SHROOM3: variants seen among roughly 807,000 people sequenced by gnomAD.
SHROOM3 encodes protein Shroom3.
A neutral mutation model predicts 138.6 loss-of-function variants in SHROOM3; 47 were observed. That is an observed-to-expected ratio of 0.34 (90% CI 0.27 to 0.43). The LOEUF is 0.43. Ranked by LOEUF, SHROOM3 falls within the 20% of genes least tolerant of loss-of-function variation. The pLI is 1.00. For missense variants in SHROOM3, 2,491 were observed against 2,596.5 expected (o/e 0.96, Z 0.88); for synonymous variants, 1,062 against 1,063.3 (o/e 1.00, Z 0.02).
chr4:76,655,433 T>C (rs557282843), intron 2 of SHROOM3, among the ~76,000 whole-genome samples: 1 of 152,348 alleles, frequency 6.6e-6, no homozygotes, highest in East Asian at 1.9e-4. Flanking sequence ...AGTCCTATTG[T>C]CATTTCTATC....
rs1229646328 is a variant in SHROOM3, at chr4:76,720,167, T to G, written c.455+9880T>G. The stretch of plus-strand genomic sequence containing the variant: ...GTTTTTTAGGTTTTTTTTTTTTTTT[T>G]TTTTTTTTTTTTTGTGAATCCAAAA... On this transcript the variant is annotated intron_variant, in intron 3 of 10. Coordinates refer to ENST00000296043, the MANE Select transcript of SHROOM3 (RefSeq NM_020859.4). Among the ~76,000 whole-genome samples the G allele has an allele frequency of 1.2e-4, 17 of 142,452 alleles. 1 individual carries two copies. Among genetic ancestry groups the G allele is most frequent in the African/African-American group, 3.4e-4 (13 of 37,978 alleles). The allele number at this position is 142,452 out of a possible 152,430, so 93.5% of individuals were successfully genotyped here. A position where few individuals can be genotyped will look rare whatever the true frequency, so the allele number is the denominator to read the frequency against.
Position 76,738,852 on chromosome 4 carries a change from G to A in SHROOM3, c.679G>A (p.Glu227Lys). 6.2e-7 allele frequency: 1 copy of A among 1,614,198 alleles called. No individual in the cohort carries two copies. Among genetic ancestry groups the A allele is most frequent in the Non-Finnish European group, 8.5e-7 (1 of 1,180,020 alleles). The change falls in exon 5 of 11, where the codon GAG (glutamate) becomes AAG (lysine). Residue 227 changes from glutamate (E) to lysine (K), a missense_variant. By Grantham distance (56) the Glu-to-Lys change is moderately conservative. Coordinates refer to ENST00000296043, the MANE Select transcript of SHROOM3 (RefSeq NM_020859.4). Reference protein sequence around the residue: ...CSSQGSMESLEPSGAYPPCHL... With the variant: ...CSSQGSMESLKPSGAYPPCHL... ...CTCCCAGGGGAGCATGGAGAGCCTG[G>A]AGCCCAGTGGGGCATACCCACCCTG...
intron 2 of SHROOM3, among the ~76,000 whole-genome samples, chr4:76,620,774 C>A (rs2110066194): frequency 6.6e-6 from 1 of 152,212 alleles, no homozygotes; most frequent in East Asian, 1.9e-4. Flanking sequence ...CTTAGGGTCA[C>A]CAGGCTGAGG....
At chr4:76,617,286 G>A (rs1183381400) in intron 2 of SHROOM3, among the ~76,000 whole-genome samples, 1 of 152,220 alleles carries the variant, frequency 6.6e-6, no homozygotes, top group Admixed American at 6.5e-5. Flanking sequence ...GCAGATCATA[G>A]ATTAATAATG....
At chr4:76,746,868 G>A (rs527533134) in intron 5 of SHROOM3, among the ~76,000 whole-genome samples, 28 of 151,032 alleles carry the variant, frequency 1.9e-4, no homozygotes, top group Middle Eastern at 3.5e-3. Context: ...CCAGGCTGGA[G>A]TGCACTGGCG....
intron 1 of SHROOM3, among the ~76,000 whole-genome samples, chr4:76,459,130 T>C (rs1368531695): frequency 1.3e-5 from 2 of 152,216 alleles, no homozygotes. Context: ...GGGATGTTTT[T>C]TCCTACATTT....
At chr4:76,635,609 A>G (rs986397694) in intron 2 of SHROOM3, among the ~76,000 whole-genome samples, 2 of 152,176 alleles carry the variant, frequency 1.3e-5, no homozygotes, top group African/African-American at 4.8e-5. Context: ...TCAGGTCTGA[A>G]AGGCCTCTGG....
At chr4:76,651,401 A>AATATATATATATATATAT (rs33994270) in intron 2 of SHROOM3, among the ~76,000 whole-genome samples, 30 of 86,738 alleles carry the variant, frequency 3.5e-4, no homozygotes, top group Non-Finnish European at 4.1e-4. Flanking sequence ...GTAACCCATA[A>AATATATATATATATATAT]ATATATATAT....
Position 76,741,170 on chromosome 4 carries a change from G to C in SHROOM3, c.2997G>C (p.Val999=). The C allele has an allele frequency of 6.3e-7, 1 of 1,584,794 alleles. No individual in the cohort carries two copies. Among genetic ancestry groups the C allele is most frequent in the Non-Finnish European group, 8.6e-7 (1 of 1,166,666 alleles). The stretch of plus-strand genomic sequence containing the variant: ...CTGAGGGCGACCTGGCCAGGCCCGT[G>C]CCCCCTGCCGCCCGGAGAGGTGCTC... ...TPAEGDLARP[V]PPAARRGARR... Residue 999 remains valine, a synonymous_variant, in exon 5 of 11, where the codon GTG becomes GTC. Transcript: ENST00000296043. This position sits in a 1 kb window ranked among gnomAD's most constrained non-coding sequence, Gnocchi z 6.2.
intron 2 of SHROOM3, among the ~76,000 whole-genome samples, chr4:76,568,412 A>G (rs1490550906): frequency 1.3e-5 from 2 of 152,234 alleles, no homozygotes; most frequent in African/African-American, 2.4e-5. Context: ...GAGCTGCTGG[A>G]CAGGCAGTCT....
At chr4:76,723,522 C>T (rs746492175) in intron 3 of SHROOM3, among the ~76,000 whole-genome samples, 3 of 152,136 alleles carry the variant, frequency 2.0e-5, no homozygotes. Flanking sequence ...CTCACATTAC[C>T]CAGTTTTATT....
In SHROOM3 at chr4:76,712,261, A is replaced by G. The variant is rs148223421; in HGVS notation, c.455+1974A>G. Among the ~76,000 whole-genome samples, 334 of 152,322 alleles carry G rather than the reference A, an allele frequency of 2.2e-3. No individual in the cohort carries two copies. The Middle Eastern group carries it at 0.034, about 16-fold the overall frequency. ...TTTGAGATAAATTTAGGGAGGCAGA[A>G]TAAATAGCAGATGAGGGTAGGATAA... On this transcript the variant is annotated intron_variant, in intron 3 of 10. Transcript: ENST00000296043.
chr4:76,467,002 C>T (rs1320148821), intron 1 of SHROOM3, among the ~76,000 whole-genome samples: 2 of 150,034 alleles, frequency 1.3e-5, no homozygotes, highest in Non-Finnish European at 1.5e-5. Context: ...GTGCTGGATG[C>T]TTTTTATATA....
chr4:76,723,479 T>A (rs569636139), intron 3 of SHROOM3, among the ~76,000 whole-genome samples: 2 of 152,354 alleles, frequency 1.3e-5, no homozygotes, highest in South Asian at 4.1e-4. Flanking sequence ...ATAGAGGCTG[T>A]CTCTGACTTA....
chr4:76,763,647 A>G (rs1722059184), intron 9 of SHROOM3, among the ~76,000 whole-genome samples: 2 of 152,204 alleles, frequency 1.3e-5, no homozygotes, highest in South Asian at 4.1e-4. Context: ...AAGGGTTCAC[A>G]AGAGCCAGTA....
At chr4:76,475,472 T>G (rs917964604) in intron 1 of SHROOM3, among the ~76,000 whole-genome samples, 2 of 152,218 alleles carry the variant, frequency 1.3e-5, no homozygotes, top group Non-Finnish European at 2.9e-5. Flanking sequence ...GGGTCAGAGA[T>G]AAAGGACTTT....
chr4:76,440,137 C>T (rs1311579858), intron 1 of SHROOM3, among the ~76,000 whole-genome samples: 1 of 152,228 alleles, frequency 6.6e-6, no homozygotes, highest in African/African-American at 2.4e-5. Context: ...ACAACAACAG[C>T]AGCAACTGCC....
In SHROOM3 at chr4:76,689,529, C is replaced by CGGCGCGGT. The variant is rs1219021161; in HGVS notation, c.324-20613_324-20606dup. ...CCGGCCCACCGTGCAGCTGTAGCCGCGGCGCGGTGGCGCGGTGGCGCAGGG... is the reference window on the plus strand; with the variant it reads ...CCGGCCCACCGTGCAGCTGTAGCCGCGGCGCGGTGGCGCGGTGGCGCGGTGGCGCAGGG... On this transcript the variant is annotated intron_variant, in intron 2 of 10. Coordinates refer to ENST00000296043, the MANE Select transcript of SHROOM3 (RefSeq NM_020859.4). 351 of 983,946 alleles carry CGGCGCGGT rather than the reference C, an allele frequency of 3.6e-4. 2 individuals carry two copies. The South Asian group carries it at 4.0e-3, about 11-fold the overall frequency. 61.0% of individuals were successfully genotyped at this position (983,946 alleles called of 1,614,324 possible).
chr4:76,615,201 T>A (rs1430703551), intron 2 of SHROOM3, among the ~76,000 whole-genome samples: 4 of 152,176 alleles, frequency 2.6e-5, no homozygotes, highest in African/African-American at 7.2e-5. Context: ...TTTCCCCTTT[T>A]CCCAAAATCG....
Sources: allele counts gnomAD v4.1 joint callset (sites outside exome capture counted in the v4.1 genomes callset), GRCh38; gene constraint gnomAD v4.1.1; non-coding constraint Gnocchi (gnomAD v3.1); transcripts MANE v1.5; gene names NCBI Gene and HGNC (gene_info 2026-07-23, HGNC 2026-07-21).